Variants in RERE observed in about 807,000 individuals in gnomAD.
RERE encodes arginine-glutamic acid dipeptide repeats protein.
RERE carries 40 observed loss-of-function variants against 146.1 expected under a neutral mutation model. The observed-to-expected ratio is 0.27, with a 90% CI of 0.21 to 0.36. The LOEUF is 0.36. Ranked by LOEUF, RERE falls within the 10% of genes least tolerant of loss-of-function variation. The probability of loss-of-function intolerance (pLI) is 1.00; values close to 1 mark genes in which losing one functional copy is unlikely to be tolerated. For missense variants in RERE, 1,933 were observed against 2,138.7 expected (o/e 0.90, Z 1.90); for synonymous variants, 1,003 against 866.0 (o/e 1.16, Z -2.78).
intron 7 of RERE, among the ~76,000 whole-genome samples, chr1:8,530,679 CTTTTTTT>C (rs1197212764): frequency 3.5e-4 from 34 of 96,938 alleles, no homozygotes; most frequent in East Asian, 1.2e-3. Flanking sequence ...TTTTCGTTTT[CTTTTTTT>C]TTTTTTTTTT....
intron 4 of RERE, among the ~76,000 whole-genome samples, chr1:8,575,347 A>C (rs928228738): frequency 6.6e-6 from 1 of 151,964 alleles, no homozygotes; most frequent in Middle Eastern, 3.4e-3. Flanking sequence ...CCTTTCCATA[A>C]AATATTAACT....
intron 1 of RERE, among the ~76,000 whole-genome samples, chr1:8,777,709 AT>A (rs140488472): frequency 6.6e-6 from 1 of 151,136 alleles, no homozygotes; most frequent in East Asian, 1.9e-4. Flanking sequence ...TACTTTTTGT[AT>A]TTTTTTAGTA....
At chr1:8,415,542 A>G (rs1643736228) in intron 12 of RERE, among the ~76,000 whole-genome samples, 1 of 152,352 alleles carries the variant, frequency 6.6e-6, no homozygotes, top group South Asian at 2.1e-4. Context: ...CATATGTAGG[A>G]TAACGCCAAG....
chr1:8,593,032 C>G (rs1441198805), intron 4 of RERE, among the ~76,000 whole-genome samples: 1 of 152,178 alleles, frequency 6.6e-6, no homozygotes, highest in Admixed American at 6.5e-5. Flanking sequence ...GTCATTACTA[C>G]TCAGGAACTG....
chr1:8,418,025 T>C (rs1012240327), intron 12 of RERE, among the ~76,000 whole-genome samples: 1 of 152,212 alleles, frequency 6.6e-6, no homozygotes. Context: ...GTGCTCACTT[T>C]GTGGGGCCTG....
chr1:8,561,861 G>T (rs548552882), intron 4 of RERE, among the ~76,000 whole-genome samples: 5 of 152,192 alleles, frequency 3.3e-5, no homozygotes, highest in Admixed American at 1.3e-4. Context: ...ACTAGTTGAA[G>T]AATTTTGTTC....
rs543083122 is a variant in RERE, at chr1:8,632,083, G to C, written c.326-7703C>G. Among the ~76,000 whole-genome samples the C allele has an allele frequency of 7.2e-5, 11 of 152,280 alleles. No homozygotes were observed. The South Asian group carries it at 2.1e-3, about 29-fold the overall frequency. ...TATTAAGTAGAGGATGATTACTAAT[G>C]GAAATGCTGACAGATCCTTAACTTA... On this transcript the variant is annotated intron_variant, in intron 2 of 22. Transcript: ENST00000400908.
At chr1:8,602,821 TTTC>T (rs1443029947) in intron 4 of RERE, among the ~76,000 whole-genome samples, 1 of 149,016 alleles carries the variant, frequency 6.7e-6, no homozygotes, top group East Asian at 1.9e-4. Context: ...AAAAGAAATA[TTTC>T]TTCATCTGAT....
At chr1:8,768,754 C>T (rs374215893) in intron 1 of RERE, among the ~76,000 whole-genome samples, 9 of 152,268 alleles carry the variant, frequency 5.9e-5, no homozygotes, top group East Asian at 1.9e-4. Context: ...ACAACACCGA[C>T]GCTTGTCCCT....
intron 10 of RERE, among the ~76,000 whole-genome samples, chr1:8,484,492 C>A: frequency 6.7e-6 from 1 of 150,240 alleles, no homozygotes; most frequent in Admixed American, 6.7e-5. Context: ...GTAGCGCCAT[C>A]TCGGCTCACT....
Position 8,353,966 on chromosome 1 carries a change from G to A in RERE, c.*1121C>T, listed in dbSNP as rs1456753746. 6.6e-6 allele frequency: 1 copy of A among 152,544 alleles called. No homozygotes were observed. Among genetic ancestry groups the A allele is most frequent in the Non-Finnish European group, 1.5e-5 (1 of 68,038 alleles). The allele number at this position is 152,544 out of a possible 1,614,324, so 9.4% of individuals were successfully genotyped here. On this transcript the variant is annotated 3_prime_UTR_variant, in exon 23 of 23. Coordinates refer to ENST00000400908, the MANE Select transcript of RERE (RefSeq NM_001042681.2). ...AGGCAGCCTTCTAACACATCCCTTT[G>A]GCAGGCATATGTCCTGGGTCACTTG...
chr1:8,563,587 C>T (rs180702142), intron 4 of RERE, among the ~76,000 whole-genome samples: 1 of 152,142 alleles, frequency 6.6e-6, no homozygotes, highest in Non-Finnish European at 1.5e-5. Flanking sequence ...CAACAGAGTA[C>T]AAAGATGGAT....
rs76524281 is a variant in RERE, at chr1:8,429,663, G to A, written c.1204-6856C>T. 8.6e-3 allele frequency among the ~76,000 whole-genome samples: 1,304 copies of A among 152,298 alleles called. 13 individuals carry two copies. Among genetic ancestry groups the A allele is most frequent in the African/African-American group, 0.028 (1,179 of 41,544 alleles). ...AATTTTAACTAGTGTATCACAGTCA[G>A]AAACTCACCATGACTTCTGAAAAGG... On this transcript the variant is annotated intron_variant, in intron 11 of 22. Coordinates refer to ENST00000400908, the MANE Select transcript of RERE (RefSeq NM_001042681.2).
chr1:8,613,543 C>T (rs1646816329), intron 4 of RERE, among the ~76,000 whole-genome samples: 1 of 152,200 alleles, frequency 6.6e-6, no homozygotes, highest in Non-Finnish European at 1.5e-5. Flanking sequence ...AGTGCCACAG[C>T]CCATCTGGAG....
At chr1:8,682,907 C>G (rs970887008) in intron 1 of RERE, among the ~76,000 whole-genome samples, 23 of 151,378 alleles carry the variant, frequency 1.5e-4, no homozygotes, top group Admixed American at 1.5e-3. Flanking sequence ...GTAACAGATT[C>G]AATGATGGGA....
chr1:8,420,928 G>A (rs981657363), intron 12 of RERE, among the ~76,000 whole-genome samples: 1 of 152,092 alleles, frequency 6.6e-6, no homozygotes, highest in African/African-American at 2.4e-5. Context: ...TCAATAAGAA[G>A]GGAAAATCAA....
chr1:8,474,849 C>T (rs2124159972), intron 10 of RERE, among the ~76,000 whole-genome samples: 1 of 152,290 alleles, frequency 6.6e-6, no homozygotes, highest in African/African-American at 2.4e-5. Flanking sequence ...TTAAGTTAGA[C>T]TGCATTCAGG....
At chr1:8,765,720 G>A (rs1040111044) in intron 1 of RERE, among the ~76,000 whole-genome samples, 1 of 152,174 alleles carries the variant, frequency 6.6e-6, no homozygotes, top group Admixed American at 6.5e-5. Context: ...TTGGGAGACC[G>A]AGGCAGGCGG....
chr1:8,536,104 C>CA (rs35142876), intron 7 of RERE, among the ~76,000 whole-genome samples: 28,337 of 104,900 alleles, frequency 0.27, 3,111 homozygotes, highest in Middle Eastern at 0.4. Flanking sequence ...GACTCCATCT[C>CA]AAAAAAAAAA....
Sources: allele counts gnomAD v4.1 joint callset (sites outside exome capture counted in the v4.1 genomes callset), GRCh38; gene constraint gnomAD v4.1.1; transcripts MANE v1.5; gene names NCBI Gene and HGNC (gene_info 2026-07-23, HGNC 2026-07-21).